Variants in FAM228A observed in about 807,000 individuals in gnomAD.
FAM228A encodes the protein protein FAM228A.
A neutral mutation model predicts 18.6 loss-of-function variants in FAM228A; 13 were observed. The observed-to-expected ratio is 0.70, with a 90% CI of 0.45 to 1.11. FAM228A has a LOEUF of 1.11. Among genes scored for constraint, FAM228A ranks in the 50% least tolerant of loss-of-function variants. The pLI is 0.00. For missense variants in FAM228A, 240 were observed against 242.2 expected (o/e 0.99, Z 0.06); for synonymous variants, 77 against 86.6 (o/e 0.89, Z 0.61).
At chr2:24,175,381 G>T in intron 1 of FAM228A, 86 bp from the exon 2 acceptor site, 1 of 953,130 alleles carries the variant, frequency 1.0e-6, no homozygotes, top group African/African-American at 1.6e-5. Context: ...GGGGCCGAGC[G>T]GGATTTGAAC....
At chr2:24,176,287 A>T in intron 2 of FAM228A, 2 of 761,702 alleles carry the variant, frequency 2.6e-6, no homozygotes, top group Non-Finnish European at 3.2e-6. Flanking sequence ...CTAAATTTTT[A>T]TTGTAGTGTC....
rs566611327 is a variant in FAM228A at position 24,183,309 on chromosome 2, C to T, written c.187C>T (p.Pro63Ser). 5.0e-6 allele frequency: 8 copies of T among 1,613,668 alleles called. No homozygotes were observed. The highest frequency in any genetic ancestry group is 4.5e-5 in the East Asian group (2 of 44,880). ...VKVTVPPFVD[P>S]LFQRQQEVDE... ...GGTTACAGTCCCACCATTTGTTGAT[C>T]CTCTGTTTCAAAGACAGCAAGAGGT... Residue 63 changes from proline (P) to serine (S), a missense_variant, in exon 4 of 6, where the codon CCT becomes TCT. Coordinates refer to ENST00000295150, the MANE Select transcript of FAM228A (RefSeq NM_001040710.3).
intron 3 of FAM228A, among the ~76,000 whole-genome samples, chr2:24,182,278 G>A (rs1667833625): frequency 6.6e-6 from 1 of 152,220 alleles, no homozygotes; most frequent in African/African-American, 2.4e-5. Context: ...TGGCTCTGAA[G>A]ATGGAAGTGG....
chr2:24,179,066 ACATT>A lies in FAM228A; in HGVS notation c.162+1197_162+1200del, dbSNP rs1484729893. On this transcript the variant is annotated intron_variant, in intron 3 of 5. Transcript: ENST00000295150. ...CCTTACTCGAATGATAGTAAATGAAACATTTCTTTATAATTTATTTTCCTTTTTT... is the reference window on the plus strand; with the variant it reads ...CCTTACTCGAATGATAGTAAATGAAATCTTTATAATTTATTTTCCTTTTTT... 1.0e-4 allele frequency: 86 copies of A among 832,056 alleles called. 2 individuals carry two copies. Among genetic ancestry groups the A allele is most frequent in the Non-Finnish European group, 1.3e-4 (86 of 663,560 alleles). The allele number at this position is 832,056 out of a possible 1,614,324, so 51.5% of individuals were successfully genotyped here. A position where few individuals can be genotyped will look rare whatever the true frequency, so the allele number is the denominator to read the frequency against.
chr2:24,177,212 G>T (rs2151040261), intron 2 of FAM228A, among the ~76,000 whole-genome samples: 1 of 152,312 alleles, frequency 6.6e-6, no homozygotes, highest in East Asian at 1.9e-4. Context: ...GGCCAAGGTG[G>T]GTGGATCACT....
chr2:24,185,015 G>C (rs189578157), intron 5 of FAM228A, among the ~76,000 whole-genome samples: 2 of 152,052 alleles, frequency 1.3e-5, no homozygotes, highest in Non-Finnish European at 2.9e-5. Context: ...TAGAGATGGC[G>C]TTTCACCATG....
intron 2 of FAM228A, chr2:24,175,862 G>A: frequency 1.7e-6 from 2 of 1,157,112 alleles, no homozygotes; most frequent in East Asian, 4.8e-5. Context: ...AGTCAATTCT[G>A]CATACTTCAG....
rs1209088468 is a variant in FAM228A at position 24,183,272 on chromosome 2, A to C, written c.163-13A>C. On this transcript the variant is annotated splice_polypyrimidine_tract_variant and intron_variant, in intron 3 of 5. Transcript: ENST00000295150. Reference sequence around the variant, plus strand: ...TGCACTCTGGTACTCAAAGAGTCTCATTTCTCTTGTAGGTTACAGTCCCAC... The same window carrying C: ...TGCACTCTGGTACTCAAAGAGTCTCCTTTCTCTTGTAGGTTACAGTCCCAC... 2.5e-6 allele frequency: 4 copies of C among 1,596,114 alleles called. No homozygotes were observed. The highest frequency in any genetic ancestry group is 3.4e-6 in the Non-Finnish European group (4 of 1,163,680).
chr2:24,182,661 C>T (rs1667842915), intron 3 of FAM228A, among the ~76,000 whole-genome samples: 1 of 152,130 alleles, frequency 6.6e-6, no homozygotes, highest in South Asian at 2.1e-4. Flanking sequence ...TAAGTTAGCA[C>T]TGCCCCTGCT....
chr2:24,184,959 A>G (rs1017929465), intron 5 of FAM228A, among the ~76,000 whole-genome samples: 2 of 151,592 alleles, frequency 1.3e-5, no homozygotes, highest in African/African-American at 2.4e-5. Flanking sequence ...AGTAGCTGGG[A>G]CTACAGGTGT....
Position 24,175,884 on chromosome 2 carries a change from G to T in FAM228A, c.93+311G>T, listed in dbSNP as rs1667674002. On this transcript the variant is annotated intron_variant, in intron 2 of 5. Transcript: ENST00000295150. ...TCTGCATACTTCAGCGTCTGGTAATGATTTTCTCAAAAAGTTTCATTATTT... is the reference window on the plus strand; with the variant it reads ...TCTGCATACTTCAGCGTCTGGTAATTATTTTCTCAAAAAGTTTCATTATTT... The T allele has an allele frequency of 2.8e-6, 3 of 1,088,914 alleles. No homozygotes were observed. The African/African-American group carries it at 5.0e-5, about 18-fold the overall frequency. 67.5% of individuals were successfully genotyped at this position (1,088,914 alleles called of 1,614,324 possible). A position where few individuals can be genotyped will look rare whatever the true frequency, so the allele number is the denominator to read the frequency against.
intron 5 of FAM228A, among the ~76,000 whole-genome samples, chr2:24,190,041 C>A (rs1668043236): frequency 6.6e-6 from 1 of 152,188 alleles, no homozygotes. Flanking sequence ...TTTCTTTGCA[C>A]ATGGGCTTTC....
intron 5 of FAM228A, 50 bp downstream of exon 5, chr2:24,183,695 T>G: frequency 2.0e-6 from 3 of 1,485,782 alleles, no homozygotes; most frequent in Non-Finnish European, 2.7e-6. Context: ...CAACTTACTT[T>G]ATTTCCTACT....
Position 24,190,914 on chromosome 2 carries a change from G to C in FAM228A, c.*283G>C, listed in dbSNP as rs888124232. 1 of 1,134,818 alleles carries C rather than the reference G, an allele frequency of 8.8e-7. No individual in the cohort carries two copies. The highest frequency in any genetic ancestry group is 1.1e-6 in the Non-Finnish European group (1 of 925,390). 70.3% of individuals were successfully genotyped at this position (1,134,818 alleles called of 1,614,324 possible). A position where few individuals can be genotyped will look rare whatever the true frequency, so the allele number is the denominator to read the frequency against. ...CCCCTGAGATTTCTTCAGCGCCTTCGCCCGGGCCTTTGCCCTTCTGCCACT... is the reference window on the plus strand; with the variant it reads ...CCCCTGAGATTTCTTCAGCGCCTTCCCCCGGGCCTTTGCCCTTCTGCCACT... On this transcript the variant is annotated 3_prime_UTR_variant, in exon 6 of 6. Coordinates refer to ENST00000295150, the MANE Select transcript of FAM228A (RefSeq NM_001040710.3).
At chr2:24,185,966 A>C (rs972360535) in intron 5 of FAM228A, among the ~76,000 whole-genome samples, 3 of 152,300 alleles carry the variant, frequency 2.0e-5, no homozygotes, top group East Asian at 1.9e-4. Context: ...ACCTTGCTAA[A>C]CTTTATTATG....
chr2:24,185,937 GTTGAAT>G (rs1667938351), intron 5 of FAM228A, among the ~76,000 whole-genome samples: 1 of 152,090 alleles, frequency 6.6e-6, no homozygotes, highest in Admixed American at 6.6e-5. Flanking sequence ...GATTTCATAT[GTTGAAT>G]TTGTATTTGG....
chr2:24,177,987 A>T (rs972877452), intron 3 of FAM228A, 117 bp downstream of exon 3: 12 of 632,786 alleles, frequency 1.9e-5, no homozygotes, highest in Non-Finnish European at 3.3e-5. Flanking sequence ...TGCAGGAGTA[A>T]TGAGGATCCT....
At position 24,191,391 on chromosome 2, in the gene FAM228A, C is replaced by A; in HGVS notation, c.*760C>A. 1.0e-6 allele frequency: 1 copy of A among 985,470 alleles called. No homozygotes were observed. Among genetic ancestry groups the A allele is most frequent in the Non-Finnish European group, 1.2e-6 (1 of 829,942 alleles). 61.0% of individuals were successfully genotyped at this position (985,470 alleles called of 1,614,324 possible). ...TGACCCAGCTCCTGCTCAGTCCCATCGCTGTCCCCGGTCTCTCCAGGGAGT... is the reference window on the plus strand; with the variant it reads ...TGACCCAGCTCCTGCTCAGTCCCATAGCTGTCCCCGGTCTCTCCAGGGAGT... On this transcript the variant is annotated 3_prime_UTR_variant, in exon 6 of 6. Coordinates refer to ENST00000295150, the MANE Select transcript of FAM228A (RefSeq NM_001040710.3).
intron 4 of FAM228A, 51 bp from the exon 5 acceptor site, chr2:24,183,444 G>A: frequency 6.2e-7 from 1 of 1,606,764 alleles, no homozygotes; most frequent in Non-Finnish European, 8.5e-7. Flanking sequence ...TCCTTCAAGA[G>A]CAACTGGAGT....
Sources: allele counts gnomAD v4.1 joint callset (sites outside exome capture counted in the v4.1 genomes callset), GRCh38; gene constraint gnomAD v4.1.1; transcripts MANE v1.5; gene names NCBI Gene and HGNC (gene_info 2026-07-23, HGNC 2026-07-21).